The following MYO9A variants were observed in gnomAD, a reference collection of about 807,000 sequenced individuals.
MYO9A encodes the protein myosin IXA, also known as unconventional myosin-IXa.
Under a neutral mutation model 293.3 loss-of-function variants are expected in MYO9A, and 103 were observed. The observed-to-expected ratio is 0.35, with a 90% CI of 0.30 to 0.41. MYO9A has a LOEUF of 0.41. MYO9A is among the 10% of genes least tolerant of loss of function. The probability of loss-of-function intolerance (pLI) is 1.00; values close to 1 mark genes in which losing one functional copy is unlikely to be tolerated. For missense variants in MYO9A, 2,685 were observed against 3,033.0 expected, an observed-to-expected ratio of 0.89 and a Z score of 2.69; for synonymous variants, 1,001 against 1,035.7, an observed-to-expected ratio of 0.97 and a Z score of 0.64.
chr15:72,028,767 A>G (rs1369665415), intron 3 of MYO9A, among the ~76,000 whole-genome samples: 1 of 152,186 alleles, frequency 6.6e-6, no homozygotes, highest in East Asian at 1.9e-4. Flanking sequence ...AGATTACTAC[A>G]TAAGGCTCAA....
At chr15:72,046,720 G>A in intron 1 of MYO9A, 86 bp from the exon 2 acceptor site, 1 of 857,024 alleles carries the variant, frequency 1.2e-6, no homozygotes, top group Non-Finnish European at 1.7e-6. Context: ...CAAGCATGTT[G>A]ATTACATCTT....
intron 39 of MYO9A, among the ~76,000 whole-genome samples, chr15:71,845,608 C>T (rs983148206): frequency 2.0e-5 from 3 of 152,168 alleles, no homozygotes; most frequent in Admixed American, 6.6e-5. Context: ...CTGCTGTCAC[C>T]GTTACGTGAA....
At chr15:71,865,724 T>C (rs2056300263) in intron 32 of MYO9A, among the ~76,000 whole-genome samples, 1 of 152,170 alleles carries the variant, frequency 6.6e-6, no homozygotes, top group Non-Finnish European at 1.5e-5. Flanking sequence ...AATTATATAG[T>C]GGTAATGATT....
At position 72,046,308 on chromosome 15, in the gene MYO9A, T is replaced by C. The variant is rs368060297; in HGVS notation, c.256A>G (p.Met86Val). The C allele has an allele frequency of 6.2e-7, 1 of 1,614,126 alleles. No individual in the cohort carries two copies. Residue 86 changes from methionine (M) to valine (V), a missense_variant, in exon 2 of 42, where the codon ATG becomes GTG. Coordinates refer to ENST00000356056, the MANE Select transcript of MYO9A (RefSeq NM_006901.4). ...AGAGCCATTCGGGGCCACAGCATCA[T>C]TCGCTGAACTGGACAATCTGTTGGA... is the stretch of plus-strand genomic sequence containing the variant. ...LNPTDCPVQR[M>V]MLWPRMALEN...
intron 14 of MYO9A, among the ~76,000 whole-genome samples, chr15:71,952,549 G>A (rs773111131): frequency 6.6e-6 from 1 of 152,128 alleles, no homozygotes; most frequent in African/African-American, 2.4e-5. Flanking sequence ...AAAGACCAAA[G>A]CCCCAGATCA....
chr15:71,945,974 A>G (rs956477764), intron 15 of MYO9A, among the ~76,000 whole-genome samples: 7 of 152,318 alleles, frequency 4.6e-5, no homozygotes, highest in Admixed American at 3.9e-4. Flanking sequence ...TTCTCCATCT[A>G]CTGAGACAAT....
At chr15:71,873,405 T>C (rs1035250217) in intron 32 of MYO9A, among the ~76,000 whole-genome samples, 1 of 152,194 alleles carries the variant, frequency 6.6e-6, no homozygotes, top group Admixed American at 6.5e-5. Context: ...TGTCAGCATG[T>C]TACTGTGAAA....
chr15:71,845,475 C>T (rs1178700741), intron 39 of MYO9A, among the ~76,000 whole-genome samples: 1 of 152,164 alleles, frequency 6.6e-6, no homozygotes, highest in East Asian at 1.9e-4. Context: ...GTGATGATGT[C>T]CTCAAAACCA....
rs969695342 is a variant in MYO9A, at chr15:71,935,278, A to C, written c.2522+63T>G. On this transcript the variant is annotated intron_variant, in intron 17 of 41. Coordinates refer to ENST00000356056, the MANE Select transcript of MYO9A (RefSeq NM_006901.4). ...TTCCTTCTTCATTTTTTTCTGCCAG[A>C]AATTTTAAACCAGACAAAAAACAAA... 7.5e-6 allele frequency: 11 copies of C among 1,467,326 alleles called. No homozygotes were observed. In the Admixed American group the frequency reaches 2.4e-4, roughly 32 times the overall value. 90.9% of individuals were successfully genotyped at this position (1,467,326 alleles called of 1,614,324 possible).
chr15:71,952,944 T>C (rs941659505), intron 14 of MYO9A, among the ~76,000 whole-genome samples: 4 of 152,162 alleles, frequency 2.6e-5, no homozygotes, highest in African/African-American at 9.7e-5. Context: ...ATTCCCTAAA[T>C]TGGATTTATA....
chr15:72,018,975 A>G (rs2149158798), intron 6 of MYO9A, 64 bp downstream of exon 6: 1 of 1,260,854 alleles, frequency 7.9e-7, no homozygotes, highest in Admixed American at 1.7e-5. Flanking sequence ...CTTCAGATGG[A>G]TGCAAATGCG....
At chr15:72,042,022 A>T (rs987770926) in intron 2 of MYO9A, among the ~76,000 whole-genome samples, 25 of 151,690 alleles carry the variant, frequency 1.6e-4, no homozygotes, top group South Asian at 6.3e-4. Flanking sequence ...CAGTAAAAAA[A>T]AAAAAAACCA....
chr15:71,949,601 G>C (rs998379689), intron 15 of MYO9A, among the ~76,000 whole-genome samples: 24 of 151,234 alleles, frequency 1.6e-4, no homozygotes, highest in Middle Eastern at 3.2e-3. Context: ...CAGCAAACTT[G>C]CATAGCTCAG....
chr15:72,015,737 G>C (rs2077316199), intron 6 of MYO9A, among the ~76,000 whole-genome samples: 1 of 148,466 alleles, frequency 6.7e-6, no homozygotes. Flanking sequence ...GCCCAGGATG[G>C]AGTGCAGTGG....
chr15:72,010,555 A>T, intron 6 of MYO9A, 108 bp from the exon 7 acceptor site: 1 of 833,620 alleles, frequency 1.2e-6, no homozygotes, highest in Non-Finnish European at 1.9e-6. Flanking sequence ...GTATAAATGC[A>T]AATTAGAGCT....
chr15:71,926,788 G>A (rs766392997), intron 18 of MYO9A, among the ~76,000 whole-genome samples: 3 of 152,206 alleles, frequency 2.0e-5, no homozygotes, highest in African/African-American at 7.2e-5. Context: ...AGTGTCACCA[G>A]GAGCAGAGCT....
At chr15:71,989,230 A>G (rs1309767329) in intron 11 of MYO9A, among the ~76,000 whole-genome samples, 1 of 152,096 alleles carries the variant, frequency 6.6e-6, no homozygotes, top group Non-Finnish European at 1.5e-5. Context: ...CAATCTTGAG[A>G]TCCTCATAAG....
At chr15:72,101,551 C>G (rs1348575984) in intron 1 of MYO9A, among the ~76,000 whole-genome samples, 1 of 98,696 alleles carries the variant, frequency 1.0e-5, no homozygotes, top group African/African-American at 4.0e-5. Flanking sequence ...CCGCCCCGTC[C>G]GGGAGGTGAG....
rs1450458841 is a variant in MYO9A, at chr15:71,898,239, A to T, written c.4264T>A (p.Tyr1422Asn). The T allele has an allele frequency of 6.2e-7, 1 of 1,613,086 alleles. No homozygotes were observed. The highest frequency in any genetic ancestry group is 1.3e-5 in the African/African-American group (1 of 74,820). ...TTCAGTGGGTCTTGTTGGGGGATAT[A>T]AAAAAAAGTAGGTAGACTATTTGAA... ...FISNSLPTFF[Y>N]IPQQDPLKTN... The change falls in exon 25 of 42, where the codon TAT (tyrosine) becomes AAT (asparagine). Residue 1422 changes from tyrosine to asparagine, a missense_variant. Coordinates refer to ENST00000356056, the MANE Select transcript of MYO9A (RefSeq NM_006901.4).
Sources: gnomAD v4.1 joint callset for allele counts (sites outside exome capture counted in the v4.1 genomes callset) on GRCh38, gnomAD v4.1.1 for gene constraint, MANE v1.5 for transcripts, NCBI Gene and HGNC (gene_info 2026-07-23, HGNC 2026-07-21) for gene names.